ROBO2: variants seen among roughly 807,000 people sequenced by gnomAD.
The protein encoded by ROBO2 is roundabout guidance receptor 2, also known as roundabout homolog 2.
ROBO2 carries 53 observed loss-of-function variants against 160.8 expected under a neutral mutation model. The observed-to-expected ratio is 0.33, with a 90% CI of 0.26 to 0.41. The LOEUF (loss-of-function observed/expected upper bound fraction) is 0.41, where lower values mean the gene tolerates loss of function less well. Ranked by LOEUF, ROBO2 falls within the 10% of genes least tolerant of loss-of-function variation. The pLI, the probability that ROBO2 is intolerant of heterozygous loss-of-function variation, is 1.00. For synonymous variants in ROBO2, 664 were observed against 611.7 expected (o/e 1.09, Z -1.26); for missense variants, 1,577 against 1,722.4 (o/e 0.92, Z 1.49).
intron 2 of ROBO2, among the ~76,000 whole-genome samples, chr3:76,380,438 C>G (rs1008953849): frequency 6.6e-6 from 1 of 152,064 alleles, no homozygotes. Context: ...TCAAACAACC[C>G]GAGTTTGAAC....
intron 6 of ROBO2, among the ~76,000 whole-genome samples, chr3:77,533,413 TA>T (rs750867959): frequency 2.8e-4 from 42 of 152,182 alleles, no homozygotes; most frequent in Non-Finnish European, 4.7e-4. Context: ...TGTTTTCTCC[TA>T]AGGGTTTCAC....
chr3:77,062,499 T>C (rs934041301), intron 1 of ROBO2, among the ~76,000 whole-genome samples: 36 of 152,218 alleles, frequency 2.4e-4, no homozygotes, highest in African/African-American at 8.7e-4. Flanking sequence ...TCCAAATGTA[T>C]AGGAAGAAGG....
chr3:77,453,650 G>A (rs778483921), intron 2 of ROBO2, among the ~76,000 whole-genome samples: 4 of 151,988 alleles, frequency 2.6e-5, no homozygotes, highest in Non-Finnish European at 4.4e-5. Context: ...GTAAAATTTA[G>A]TTAATATTCC....
chr3:76,004,548 G>C (rs2065969895), intron 2 of ROBO2, among the ~76,000 whole-genome samples: 1 of 152,144 alleles, frequency 6.6e-6, no homozygotes, highest in Non-Finnish European at 1.5e-5. Flanking sequence ...GCCTGGTAAT[G>C]ACTCACTTCC....
chr3:77,206,170 T>A (rs2083425486), intron 2 of ROBO2, among the ~76,000 whole-genome samples: 1 of 152,064 alleles, frequency 6.6e-6, no homozygotes, highest in Non-Finnish European at 1.5e-5. Flanking sequence ...TGTTTTTTTC[T>A]TATTTTATTT....
intron 2 of ROBO2, among the ~76,000 whole-genome samples, chr3:77,372,580 G>T (rs924108662): frequency 6.6e-6 from 1 of 152,012 alleles, no homozygotes; most frequent in East Asian, 1.9e-4. Context: ...TAAAGTCATA[G>T]AATAATTGCT....
At chr3:77,198,192 T>C (rs1264150857) in intron 2 of ROBO2, among the ~76,000 whole-genome samples, 1 of 152,222 alleles carries the variant, frequency 6.6e-6, no homozygotes, top group Non-Finnish European at 1.5e-5. Context: ...ATCTCCTTGT[T>C]ACTTACATTC....
chr3:76,248,740 A>G lies in ROBO2; in HGVS notation c.109+311138A>G, dbSNP rs551905841. On this transcript the variant is annotated intron_variant, in intron 2 of 26. Coordinates refer to the ROBO2 transcript ENST00000487694. ...CTATTCCACTCCTATTTTGTTTTGG[A>G]TTAGTTGTCATGGCACTGATACATT... Among the ~76,000 whole-genome samples, 5 of 150,994 alleles carry G rather than the reference A, an allele frequency of 3.3e-5. No individual in the cohort carries two copies. In the East Asian group the frequency reaches 5.9e-4, roughly 18 times the overall value.
chr3:76,834,418 G>T (rs2067482430), intron 2 of ROBO2, among the ~76,000 whole-genome samples: 1 of 151,886 alleles, frequency 6.6e-6, no homozygotes, highest in Non-Finnish European at 1.5e-5. Context: ...AGGCTGGAGT[G>T]CAGGGGCACC....
chr3:76,348,055 G>A (rs1402770433), intron 2 of ROBO2, among the ~76,000 whole-genome samples: 2 of 151,982 alleles, frequency 1.3e-5, no homozygotes, highest in East Asian at 1.9e-4. Context: ...AGCACTATCC[G>A]CCATCATTCC....
intron 2 of ROBO2, among the ~76,000 whole-genome samples, chr3:76,778,626 A>G (rs9871023): frequency 0.01 from 1,558 of 151,222 alleles, 21 homozygotes; most frequent in African/African-American, 0.035. Context: ...AAGTTCATTG[A>G]TATTTGGGGA....
intron 2 of ROBO2, among the ~76,000 whole-genome samples, chr3:77,286,608 T>A (rs1226155931): frequency 6.6e-6 from 1 of 152,176 alleles, no homozygotes; most frequent in Non-Finnish European, 1.5e-5. Flanking sequence ...TTGCCTTCTT[T>A]ACATCATCCA....
intron 2 of ROBO2, among the ~76,000 whole-genome samples, chr3:76,123,494 G>GT (rs1229948863): frequency 2.6e-5 from 4 of 151,914 alleles, no homozygotes; most frequent in Admixed American, 6.6e-5. Flanking sequence ...TTCATGGGAT[G>GT]TTTTTTTCTT....
chr3:76,211,589 A>G (rs560995743), intron 2 of ROBO2, among the ~76,000 whole-genome samples: 21 of 152,262 alleles, frequency 1.4e-4, no homozygotes, highest in Non-Finnish European at 2.6e-4. Flanking sequence ...GCTTTTTAGC[A>G]TCATAGAAGA....
chr3:77,045,643 G>A (rs1483005210), intron 1 of ROBO2, among the ~76,000 whole-genome samples: 1 of 152,110 alleles, frequency 6.6e-6, no homozygotes, highest in Non-Finnish European at 1.5e-5. Context: ...GACCCCCAAT[G>A]AGGAACCATT....
At chr3:76,658,748 G>A (rs1054005496) in intron 2 of ROBO2, among the ~76,000 whole-genome samples, 10 of 152,100 alleles carry the variant, frequency 6.6e-5, no homozygotes, top group African/African-American at 2.4e-4. Context: ...GTGGACATCT[G>A]GGTTGGTTCC....
chr3:76,136,713 T>C (rs972854852), intron 2 of ROBO2, among the ~76,000 whole-genome samples: 3 of 151,664 alleles, frequency 2.0e-5, no homozygotes, highest in South Asian at 2.1e-4. Context: ...ATATGAGTGG[T>C]TGAGAAAAAA....
At chr3:76,783,159 C>T (rs762250901) in intron 2 of ROBO2, among the ~76,000 whole-genome samples, 28 of 150,870 alleles carry the variant, frequency 1.9e-4, no homozygotes, top group Non-Finnish European at 4.0e-4. Flanking sequence ...TCTGTATTTT[C>T]ATTCCTGAAC....
chr3:77,023,375 A>G (rs2062761210), intron 2 of ROBO2, among the ~76,000 whole-genome samples: 3 of 152,170 alleles, frequency 2.0e-5, no homozygotes, highest in Admixed American at 1.3e-4. Flanking sequence ...GCAGCATGAA[A>G]ACGAACTAAT....
Sources: gnomAD v4.1 joint callset for allele counts (sites outside exome capture counted in the v4.1 genomes callset) on GRCh38, gnomAD v4.1.1 for gene constraint, MANE v1.5 for transcripts, NCBI Gene and HGNC (gene_info 2026-07-23, HGNC 2026-07-21) for gene names.